RIN3: variants seen among roughly 807,000 people sequenced by gnomAD.
RIN3 encodes the protein RAB5 interacting protein 3.
Under a neutral mutation model 76.3 loss-of-function variants are expected in RIN3, and 54 were observed. The observed-to-expected ratio is 0.71, with a 90% CI of 0.57 to 0.89. The LOEUF (loss-of-function observed/expected upper bound fraction) is 0.89, where lower values mean the gene tolerates loss of function less well. RIN3 is among the 40% of genes least tolerant of loss of function. RIN3 has a pLI of 0.00. For synonymous variants in RIN3, 576 were observed against 564.0 expected, an observed-to-expected ratio of 1.02 and a Z score of -0.30; for missense variants, 1,256 against 1,322.1, an observed-to-expected ratio of 0.95 and a Z score of 0.78.
intron 3 of RIN3, among the ~76,000 whole-genome samples, chr14:92,594,810 G>A (rs1247527538): frequency 6.6e-6 from 1 of 152,200 alleles, no homozygotes; most frequent in African/African-American, 2.4e-5. Context: ...CCAACCACAT[G>A]ATGGGGTCTC....
intron 3 of RIN3, among the ~76,000 whole-genome samples, chr14:92,601,186 A>G (rs768617455): frequency 1.8e-4 from 27 of 152,232 alleles, no homozygotes; most frequent in Non-Finnish European, 2.9e-4. Context: ...AAAATACAGT[A>G]TTGGGATTAA....
At chr14:92,544,414 T>TGGGGGGG (rs71123353) in intron 1 of RIN3, among the ~76,000 whole-genome samples, 63 of 74,544 alleles carry the variant, frequency 8.5e-4, no homozygotes, top group East Asian at 2.5e-3. Context: ...GTGACAGCTG[T>TGGGGGGG]GGGGGGGGGG....
chr14:92,522,594 A>C (rs1896629529), intron 1 of RIN3, among the ~76,000 whole-genome samples: 2 of 151,994 alleles, frequency 1.3e-5, no homozygotes, highest in Admixed American at 1.3e-4. Flanking sequence ...GAGTTATTTC[A>C]TGTGTCTATC....
At chr14:92,630,908 A>T (rs895228768) in intron 4 of RIN3, among the ~76,000 whole-genome samples, 1 of 152,134 alleles carries the variant, frequency 6.6e-6, no homozygotes, top group Non-Finnish European at 1.5e-5. Flanking sequence ...TGCCTCCCCC[A>T]TCAAGGGGAT....
intron 1 of RIN3, among the ~76,000 whole-genome samples, chr14:92,550,328 A>G (rs1361176937): frequency 1.3e-5 from 2 of 152,242 alleles, no homozygotes; most frequent in Non-Finnish European, 2.9e-5. Flanking sequence ...TAAGTAGTTG[A>G]CAGCTCATGA....
Position 92,514,070 on chromosome 14 carries a change from G to A in RIN3, c.44+94G>A. 2 of 913,676 alleles carry A rather than the reference G, an allele frequency of 2.2e-6. No individual in the cohort carries two copies. The highest frequency in any genetic ancestry group is 2.9e-6 in the Non-Finnish European group (2 of 696,072). 56.6% of individuals were successfully genotyped at this position (913,676 alleles called of 1,614,324 possible). ...ACTTCTTGTCCCAGAGAGTCCTTCGGGCGCGTGACCTCGGGGTTGTCGGGC... is the reference window on the plus strand; with the variant it reads ...ACTTCTTGTCCCAGAGAGTCCTTCGAGCGCGTGACCTCGGGGTTGTCGGGC... On this transcript the variant is annotated intron_variant, in intron 1 of 9. Coordinates refer to ENST00000216487, the MANE Select transcript of RIN3 (RefSeq NM_024832.5). The surrounding 1 kb of genome is among the most constrained non-coding windows in gnomAD (Gnocchi z 7.2).
intron 1 of RIN3, among the ~76,000 whole-genome samples, chr14:92,518,677 G>T (rs1474382701): frequency 6.6e-6 from 1 of 152,220 alleles, no homozygotes; most frequent in Non-Finnish European, 1.5e-5. Flanking sequence ...CTGTGTCTCA[G>T]CCGGAAGAAT....
intron 2 of RIN3, among the ~76,000 whole-genome samples, chr14:92,573,604 A>G (rs1196289221): frequency 6.6e-6 from 1 of 152,218 alleles, no homozygotes; most frequent in East Asian, 1.9e-4. Context: ...AAACTCAGGT[A>G]AGATCAAAAG....
chr14:92,638,540 A>T (rs1886861716), intron 4 of RIN3, among the ~76,000 whole-genome samples: 1 of 152,188 alleles, frequency 6.6e-6, no homozygotes, highest in Non-Finnish European at 1.5e-5. Context: ...AGATGAGCTG[A>T]GCAGCCTCTG....
At chr14:92,553,499 C>T (rs970924788) in intron 1 of RIN3, among the ~76,000 whole-genome samples, 7 of 152,182 alleles carry the variant, frequency 4.6e-5, no homozygotes, top group East Asian at 1.9e-4. Context: ...TGAGATTGTT[C>T]GGCCTCAATT....
Position 92,659,294 on chromosome 14 carries a change from G to A in RIN3, c.2160G>A (p.Leu720=). 1 of 1,613,818 alleles carries A rather than the reference G, an allele frequency of 6.2e-7. No individual in the cohort carries two copies. Among genetic ancestry groups the A allele is most frequent in the Non-Finnish European group, 8.5e-7 (1 of 1,179,816 alleles). Residue 720 remains leucine, a synonymous_variant, in exon 7 of 10, where the codon CTG becomes CTA. Transcript: ENST00000216487. Reference sequence around the variant, plus strand: ...TCAAGGAGAACCAGTTAGTGATCCTGGCCACCACCACCACTGACCTAGGTG... The same window carrying A: ...TCAAGGAGAACCAGTTAGTGATCCTAGCCACCACCACCACTGACCTAGGTG... ...QQLKENQLVI[L]ATTTTDLGVT...
chr14:92,573,688 G>A (rs1330972236), intron 2 of RIN3, among the ~76,000 whole-genome samples: 8 of 152,200 alleles, frequency 5.3e-5, no homozygotes, highest in Admixed American at 5.2e-4. Context: ...TCTGTGCCAG[G>A]ATTGGGTACA....
At chr14:92,615,340 A>C in intron 3 of RIN3, 67 bp from the exon 4 acceptor site, 1 of 1,383,152 alleles carries the variant, frequency 7.2e-7, no homozygotes, top group Non-Finnish European at 1.0e-6. Context: ...CATCCTTGCC[A>C]CCTCCTTCCC....
intron 1 of RIN3, among the ~76,000 whole-genome samples, chr14:92,541,631 C>T (rs146111270): frequency 7.4e-4 from 113 of 152,314 alleles, no homozygotes; most frequent in African/African-American, 2.5e-3. Context: ...CAGACCCCTA[C>T]CTCATGCCAT....
At chr14:92,625,247 T>C (rs4904960) in intron 4 of RIN3, among the ~76,000 whole-genome samples, 91,532 of 151,980 alleles carry the variant, frequency 0.6, 27,964 homozygotes, top group Non-Finnish European at 0.64. Flanking sequence ...AGACACTTAG[T>C]CCAGGGTAAT....
At chr14:92,622,779 T>C (rs375866640) in intron 4 of RIN3, among the ~76,000 whole-genome samples, 36 of 152,310 alleles carry the variant, frequency 2.4e-4, no homozygotes, top group African/African-American at 7.7e-4. Context: ...GGAGGGCTGA[T>C]AGATGAATGG....
chr14:92,672,885 T>C (rs1268528522), intron 7 of RIN3, among the ~76,000 whole-genome samples: 2 of 152,200 alleles, frequency 1.3e-5, no homozygotes, highest in Admixed American at 1.3e-4. Context: ...GTTTGCTTAT[T>C]CTGGACGTTG....
intron 1 of RIN3, among the ~76,000 whole-genome samples, chr14:92,535,330 C>CCTTCTT (rs1566830945): frequency 7.0e-6 from 1 of 142,922 alleles, no homozygotes; most frequent in African/African-American, 2.7e-5. Flanking sequence ...TCTTTTCTTT[C>CCTTCTT]TTTCTTTTTT....
At chr14:92,529,460 G>A (rs1430009802) in intron 1 of RIN3, among the ~76,000 whole-genome samples, 1 of 152,116 alleles carries the variant, frequency 6.6e-6, no homozygotes, top group Non-Finnish European at 1.5e-5. Flanking sequence ...ATGTTGGCCA[G>A]ACTGGTCTTG....
Sources: gnomAD v4.1 joint callset for allele counts (sites outside exome capture counted in the v4.1 genomes callset) on GRCh38, gnomAD v4.1.1 for gene constraint, Gnocchi (gnomAD v3.1) non-coding constraint, MANE v1.5 for transcripts, NCBI Gene and HGNC (gene_info 2026-07-23, HGNC 2026-07-21) for gene names.